Variants in RAD51B observed in about 807,000 individuals in gnomAD.
The protein encoded by RAD51B is RAD51 paralog B.
RAD51B carries 38 observed loss-of-function variants against 42.2 expected under a neutral mutation model. The observed-to-expected ratio is 0.90, with a 90% confidence interval of 0.70 to 1.18. RAD51B has a LOEUF of 1.18. Ranked by LOEUF, RAD51B falls within the 50% of genes most tolerant of loss-of-function variation. The pLI is 0.00. For synonymous variants in RAD51B, 154 were observed against 145.2 expected, an observed-to-expected ratio of 1.06 and a Z score of -0.43; for missense variants, 373 against 400.7, an observed-to-expected ratio of 0.93 and a Z score of 0.59.
intron 10 of RAD51B, among the ~76,000 whole-genome samples, chr14:68,583,461 A>C (rs1890306048): frequency 6.6e-6 from 1 of 152,244 alleles, no homozygotes; most frequent in African/African-American, 2.4e-5. Context: ...AATCAAGCTA[A>C]CAAACTATTA....
chr14:68,616,935 A>C (rs912800791), intron 10 of RAD51B, among the ~76,000 whole-genome samples: 1 of 151,938 alleles, frequency 6.6e-6, no homozygotes, highest in Non-Finnish European at 1.5e-5. Flanking sequence ...CACCACAAGA[A>C]GTGCATTCTT....
At chr14:68,463,390 A>G (rs1037951448) in intron 9 of RAD51B, among the ~76,000 whole-genome samples, 2 of 152,216 alleles carry the variant, frequency 1.3e-5, no homozygotes, top group African/African-American at 4.8e-5. Context: ...CTCAAAAGCA[A>G]TGTGCATCTT....
chr14:68,020,635 T>G (rs534328386), intron 7 of RAD51B, among the ~76,000 whole-genome samples: 12 of 152,190 alleles, frequency 7.9e-5, no homozygotes, highest in Non-Finnish European at 1.2e-4. Context: ...CTTATATATA[T>G]AGAGTTTCAG....
chr14:68,155,723 AAT>A (rs1234976422), intron 7 of RAD51B, among the ~76,000 whole-genome samples: 2 of 152,210 alleles, frequency 1.3e-5, no homozygotes, highest in Non-Finnish European at 2.9e-5. Context: ...TCCTTTTATA[AAT>A]AGTCAGTTTG....
At chr14:68,013,540 A>G (rs1595256818) in intron 7 of RAD51B, among the ~76,000 whole-genome samples, 2 of 152,222 alleles carry the variant, frequency 1.3e-5, no homozygotes, top group African/African-American at 2.4e-5. Context: ...CATTTAATCT[A>G]TATGCTAGGG....
chr14:68,114,751 T>G (rs1186938116), intron 7 of RAD51B, among the ~76,000 whole-genome samples: 2 of 152,192 alleles, frequency 1.3e-5, no homozygotes, highest in Non-Finnish European at 2.9e-5. Context: ...CAGAGATAAT[T>G]AATTTCATAT....
intron 8 of RAD51B, among the ~76,000 whole-genome samples, chr14:68,318,943 T>C (rs936013733): frequency 6.6e-6 from 1 of 152,208 alleles, no homozygotes; most frequent in Non-Finnish European, 1.5e-5. Context: ...ACAAGTATCA[T>C]GTCTTAAACG....
At chr14:67,852,201 G>A (rs938620254) in intron 4 of RAD51B, among the ~76,000 whole-genome samples, 3 of 152,220 alleles carry the variant, frequency 2.0e-5, no homozygotes, top group Non-Finnish European at 2.9e-5. Flanking sequence ...TGGAGTGGGC[G>A]TGCTGGGGGC....
chr14:68,473,418 C>A (rs927659819), intron 10 of RAD51B, among the ~76,000 whole-genome samples: 1 of 152,162 alleles, frequency 6.6e-6, no homozygotes, highest in Non-Finnish European at 1.5e-5. Flanking sequence ...TGTGGGACCT[C>A]CCAGGGAGAT....
intron 10 of RAD51B, among the ~76,000 whole-genome samples, chr14:68,630,736 C>G (rs1211433292): frequency 6.6e-6 from 1 of 151,772 alleles, no homozygotes. Flanking sequence ...TTCGTATGTT[C>G]TACATTGACC....
chr14:68,521,567 C>A (rs1465128173), intron 10 of RAD51B, among the ~76,000 whole-genome samples: 1 of 152,256 alleles, frequency 6.6e-6, no homozygotes, highest in Non-Finnish European at 1.5e-5. Context: ...CCAGCCAGTT[C>A]TCTTTGAGAT....
exon 11 of RAD51B, chr14:68,595,214 G>A (rs557478770): frequency 1.9e-6 from 2 of 1,061,524 alleles, no homozygotes; most frequent in African/African-American, 3.3e-5. Context: ...TCCTAAACAT[G>A]GAAGATGATT....
At position 67,868,519 on chromosome 14, in the gene RAD51B, G is replaced by A. The variant is rs371324189; in HGVS notation, c.452+3380G>A. On this transcript the variant is annotated intron_variant, in intron 5 of 10. Coordinates refer to ENST00000471583, the MANE Select transcript of RAD51B (RefSeq NM_133510.4). ...CAGCGAGGCTCAGGGAGGGGCACCC[G>A]CCATTGCCCAGGCTTGCTTAGGTAA... Among the ~76,000 whole-genome samples the A allele has an allele frequency of 5.6e-3, 840 of 149,424 alleles. 3 individuals carry two copies. Among genetic ancestry groups the A allele is most frequent in the African/African-American group, 0.02 (789 of 40,338 alleles).
intron 7 of RAD51B, among the ~76,000 whole-genome samples, chr14:67,897,369 A>C (rs1358104002): frequency 1.3e-5 from 2 of 152,216 alleles, no homozygotes; most frequent in South Asian, 2.1e-4. Context: ...AATATCCAAA[A>C]TATATAAATA....
At chr14:68,641,232 C>A (rs1017798738) in intron 10 of RAD51B, among the ~76,000 whole-genome samples, 30 of 152,272 alleles carry the variant, frequency 2.0e-4, no homozygotes. Context: ...CCCTGTCCTA[C>A]GGGATTTAAT....
chr14:68,436,017 C>G (rs1407715388), intron 9 of RAD51B, among the ~76,000 whole-genome samples: 1 of 152,040 alleles, frequency 6.6e-6, no homozygotes, highest in African/African-American at 2.4e-5. Context: ...TGTTCAGAAG[C>G]TCTTTAATTA....
chr14:68,387,354 T>G (rs2083617552), intron 8 of RAD51B, among the ~76,000 whole-genome samples: 1 of 152,218 alleles, frequency 6.6e-6, no homozygotes. Context: ...GAACTAGACT[T>G]TGGTTCATTT....
intron 7 of RAD51B, among the ~76,000 whole-genome samples, chr14:68,214,438 A>C (rs1212161756): frequency 6.6e-6 from 1 of 152,186 alleles, no homozygotes; most frequent in Non-Finnish European, 1.5e-5. Context: ...GAATGATGTG[A>C]AAAAGAATCT....
intron 10 of RAD51B, among the ~76,000 whole-genome samples, chr14:68,608,699 T>C (rs1891553607): frequency 6.6e-6 from 1 of 152,092 alleles, no homozygotes; most frequent in Non-Finnish European, 1.5e-5. Flanking sequence ...GCCCAGGCCC[T>C]CAAGGAGTGG....
Sources: gnomAD v4.1 joint callset for allele counts (sites outside exome capture counted in the v4.1 genomes callset) on GRCh38, gnomAD v4.1.1 for gene constraint, MANE v1.5 for transcripts, NCBI Gene and HGNC (gene_info 2026-07-23, HGNC 2026-07-21) for gene names.